AK6: variants seen among roughly 807,000 people sequenced by gnomAD.
The protein encoded by AK6 is adenylate kinase isoenzyme 6.
A neutral mutation model predicts 23.7 loss-of-function variants in AK6; 24 were observed. The observed-to-expected ratio is 1.01, with a 90% CI of 0.73 to 1.43. AK6 has a LOEUF of 1.43. Among genes scored for constraint, AK6 ranks in the 40% most tolerant of loss-of-function variants. The probability of loss-of-function intolerance (pLI) is 0.00; values close to 1 mark genes in which losing one functional copy is unlikely to be tolerated. For synonymous variants in AK6, 73 were observed against 69.8 expected (o/e 1.05, Z -0.23); for missense variants, 191 against 199.1 (o/e 0.96, Z 0.24).
chr5:69,365,552 C>T, intron 2 of AK6: 2 of 1,613,980 alleles, frequency 1.2e-6, no homozygotes, highest in Non-Finnish European at 1.7e-6. Context: ...CAGTAGCTTT[C>T]TTAGCATGGC....
At position 69,366,530 on chromosome 5, in the gene AK6, T is replaced by C. The variant is rs904251636; in HGVS notation, c.94A>G (p.Ile32Val). 6.8e-6 allele frequency: 11 copies of C among 1,613,960 alleles called. No homozygotes were observed. The highest frequency in any genetic ancestry group is 9.3e-6 in the Non-Finnish European group (11 of 1,180,012). Residue 32 changes from isoleucine (I) to valine (V), a missense_variant, in exon 2 of 5, where the codon ATT becomes GTT. Physicochemically the swap from Ile to Val is conservative, Grantham distance 29. Transcript: ENST00000380822. ...TCTCGAGCTAAATCACCCACATTAA[T>C]GTATTTCAGTCCTGATTTTGACGCA... ...ELASKSGLKY[I>V]NVGDLAREEQ...
intron 2 of AK6, among the ~76,000 whole-genome samples, chr5:69,360,622 T>C (rs898810950): frequency 2.0e-5 from 3 of 151,974 alleles, no homozygotes; most frequent in East Asian, 1.9e-4. Flanking sequence ...AATGAAATCA[T>C]GGGGGAAACA....
intron 2 of AK6, among the ~76,000 whole-genome samples, chr5:69,363,879 G>A (rs1005813547): frequency 3.3e-5 from 5 of 152,280 alleles, no homozygotes; most frequent in African/African-American, 1.2e-4. Flanking sequence ...CTTGAGGCCA[G>A]GAGTTCAAGA....
chr5:69,364,178 A>G (rs1432806327), intron 2 of AK6, among the ~76,000 whole-genome samples: 2 of 151,748 alleles, frequency 1.3e-5, no homozygotes, highest in Non-Finnish European at 2.9e-5. Context: ...TGATAAATTG[A>G]CGTTCTTTTG....
intron 2 of AK6, among the ~76,000 whole-genome samples, chr5:69,357,601 A>G (rs1016793675): frequency 1.2e-4 from 18 of 152,210 alleles, no homozygotes; most frequent in African/African-American, 4.3e-4. Context: ...CAAAATAACA[A>G]TTGCTCAATA....
chr5:69,369,800 G>C, upstream of AK6: 1 of 1,292,978 alleles, frequency 7.7e-7, no homozygotes, highest in Non-Finnish European at 1.1e-6. Context: ...GACCAGTCTG[G>C]AAGGTCCCCG....
chr5:69,361,620 T>G (rs1291353246), intron 2 of AK6, among the ~76,000 whole-genome samples: 1 of 151,090 alleles, frequency 6.6e-6, no homozygotes, highest in Non-Finnish European at 1.5e-5. Flanking sequence ...TTTTTTTTTT[T>G]GAGACTGAGT....
At chr5:69,364,928 T>C in intron 2 of AK6, 2 of 1,594,918 alleles carry the variant, frequency 1.3e-6, no homozygotes. Flanking sequence ...ACATGTTACA[T>C]TCAGCAAGGC....
upstream of AK6, chr5:69,369,565 G>T: frequency 1.2e-6 from 2 of 1,607,944 alleles, no homozygotes; most frequent in Non-Finnish European, 1.7e-6. Context: ...GAAGGGGCGG[G>T]CGGCAGCAAA....
chr5:69,365,815 C>T (rs1762396927), intron 2 of AK6: 1 of 1,246,770 alleles, frequency 8.0e-7, no homozygotes, highest in Non-Finnish European at 1.1e-6. Flanking sequence ...ACTTTAGTAG[C>T]AACTGTCAGG....
At chr5:69,365,974 A>G (rs1397353425) in intron 2 of AK6, among the ~76,000 whole-genome samples, 2 of 152,218 alleles carry the variant, frequency 1.3e-5, no homozygotes, top group Non-Finnish European at 2.9e-5. Flanking sequence ...CTATAAAAAG[A>G]TGAAGACACA....
rs1762424817 is a variant in AK6, at chr5:69,366,363, T to G, written c.121+140A>C. The G allele has an allele frequency of 4.6e-6, 3 of 649,924 alleles. No individual in the cohort carries two copies. In the East Asian group the frequency reaches 7.9e-5, roughly 17 times the overall value. The allele number at this position is 649,924 out of a possible 1,614,324, so 40.3% of individuals were successfully genotyped here. A position where few individuals can be genotyped will look rare whatever the true frequency, so the allele number is the denominator to read the frequency against. ...CATAGCATTAGACACTTAATATTTCTGTGGATTCCCTAACAGAGTATATAT... is the reference window on the plus strand; with the variant it reads ...CATAGCATTAGACACTTAATATTTCGGTGGATTCCCTAACAGAGTATATAT... On this transcript the variant is annotated intron_variant, in intron 2 of 4. Coordinates refer to ENST00000380822, the MANE Select transcript of AK6 (RefSeq NM_016283.5).
intron 1 of AK6, among the ~76,000 whole-genome samples, chr5:69,367,074 T>G (rs1339267961): frequency 1.3e-5 from 2 of 152,042 alleles, no homozygotes; most frequent in African/African-American, 2.4e-5. Context: ...TAAATTAGCA[T>G]GTACTACGAT....
upstream of AK6, chr5:69,369,584 G>T (rs1762778276): frequency 8.8e-6 from 14 of 1,599,088 alleles, no homozygotes; most frequent in South Asian, 1.6e-4. Context: ...AAAGCCCACG[G>T]CCCCAAAGGC....
intron 2 of AK6, among the ~76,000 whole-genome samples, chr5:69,358,880 T>C (rs1051677232): frequency 6.6e-5 from 10 of 152,164 alleles, no homozygotes; most frequent in African/African-American, 2.4e-4. Context: ...AAACAAAGTT[T>C]TGCAGTTTAT....
chr5:69,364,883 T>C (rs1762347703), intron 2 of AK6: 2 of 1,456,462 alleles, frequency 1.4e-6, no homozygotes, highest in Non-Finnish European at 1.9e-6. Flanking sequence ...AGCATGCATG[T>C]TTAATATCAG....
At chr5:69,365,093 A>C in intron 2 of AK6, 1 of 1,614,250 alleles carries the variant, frequency 6.2e-7, no homozygotes, top group Non-Finnish European at 8.5e-7. Flanking sequence ...TTAATGATGG[A>C]TTAATCAGAA....
intron 4 of AK6, 90 bp from the exon 5 acceptor site, chr5:69,352,343 A>C: frequency 1.0e-6 from 1 of 979,612 alleles, no homozygotes; most frequent in Non-Finnish European, 1.5e-6. Context: ...GACACTTTTC[A>C]ATACGTGAAA....
chr5:69,354,727 T>C (rs1451106281), intron 4 of AK6, among the ~76,000 whole-genome samples: 1 of 152,234 alleles, frequency 6.6e-6, no homozygotes, highest in Non-Finnish European at 1.5e-5. Context: ...CAGGGATAAT[T>C]TGAGTGAGTA....
Sources: gnomAD v4.1 joint callset for allele counts (sites outside exome capture counted in the v4.1 genomes callset) on GRCh38, gnomAD v4.1.1 for gene constraint, MANE v1.5 for transcripts, NCBI Gene and HGNC (gene_info 2026-07-23, HGNC 2026-07-21) for gene names.